Variants in KRT23 observed in about 807,000 individuals in gnomAD.
KRT23 encodes keratin, type I cytoskeletal 23.
KRT23 carries 38 observed loss-of-function variants against 47.6 expected under a neutral mutation model. The ratio of observed to expected loss-of-function variants is 0.80; its 90% CI spans 0.62 to 1.05. The LOEUF is 1.05. Ranked by LOEUF, KRT23 falls within the 50% of genes least tolerant of loss-of-function variation. The probability of loss-of-function intolerance (pLI) is 0.00; values close to 1 mark genes in which losing one functional copy is unlikely to be tolerated. For synonymous variants in KRT23, 191 were observed against 199.0 expected, an observed-to-expected ratio of 0.96 and a Z score of 0.34; for missense variants, 503 against 529.5, an observed-to-expected ratio of 0.95 and a Z score of 0.49.
chr17:40,936,086 C>T, intron 2 of KRT23, 122 bp downstream of exon 2: 1 of 1,036,384 alleles, frequency 9.6e-7, no homozygotes, highest in Non-Finnish European at 1.4e-6. Context: ...AACCTTTGTG[C>T]ACAATTACTT....
rs1220720917 is a variant in KRT23 at position 40,936,127 on chromosome 17, T to A, written c.396+81A>T. ...GCTGATGCCATTTTCCTGGAAATTG[T>A]CTTCTGGACTCATTTTTCCTCCCGA... On this transcript the variant is annotated intron_variant, in intron 2 of 8. Coordinates refer to ENST00000209718, the MANE Select transcript of KRT23 (RefSeq NM_015515.5). 4.1e-6 allele frequency: 6 copies of A among 1,471,078 alleles called. No individual in the cohort carries two copies. The Admixed American group carries it at 1.1e-4, about 28-fold the overall frequency. The allele number at this position is 1,471,078 out of a possible 1,614,324, so 91.1% of individuals were successfully genotyped here. A position where few individuals can be genotyped will look rare whatever the true frequency, so the allele number is the denominator to read the frequency against.
At position 40,936,267 on chromosome 17, in the gene KRT23, G is replaced by T; in HGVS notation, c.337C>A (p.Pro113Thr). 1.2e-6 allele frequency: 2 copies of T among 1,614,192 alleles called. No individual in the cohort carries two copies. Among genetic ancestry groups the T allele is most frequent in the Non-Finnish European group, 1.7e-6 (2 of 1,180,042 alleles). Residue 113 changes from proline (P) to threonine (T), a missense_variant, in exon 2 of 9, where the codon CCT becomes ACT. Transcript: ENST00000209718. ...RILKWHQQRD[P>T]GSKKDYSQYE... ...TGGGAATAATCTTTCTTACTGCCAG[G>T]ATCTCTCTGCTGGTGCCATTTCAGG...
At chr17:40,929,647 T>C in intron 4 of KRT23, 1 of 311,084 alleles carries the variant, frequency 3.2e-6, no homozygotes, top group Non-Finnish European at 5.9e-6. Context: ...TCTCACGCAT[T>C]GATTCTTATA....
intron 2 of KRT23, among the ~76,000 whole-genome samples, 175 bp from the exon 3 acceptor site, chr17:40,931,630 C>T (rs1469141625): frequency 6.6e-6 from 1 of 152,204 alleles, no homozygotes; most frequent in Non-Finnish European, 1.5e-5. Context: ...TGAGCACATA[C>T]TAGGTGCAAA....
At position 40,936,656 on chromosome 17, in the gene KRT23, G is replaced by A. The variant is rs796110147; in HGVS notation, c.-53C>T. 2.0e-5 allele frequency: 29 copies of A among 1,461,430 alleles called. No individual in the cohort carries two copies. In the African/African-American group the frequency reaches 3.5e-4, roughly 18 times the overall value. The allele number at this position is 1,461,430 out of a possible 1,614,324, so 90.5% of individuals were successfully genotyped here. On this transcript the variant is annotated 5_prime_UTR_variant, in exon 2 of 9. Transcript: ENST00000209718. ...GAGCTCTGCTCCACTCCCTGGCACC[G>A]CAGAACTGAGCCGCCCCAGACTGCC...
chr17:40,936,132 T>C lies in KRT23; in HGVS notation c.396+76A>G, dbSNP rs1910045992. The C allele has an allele frequency of 2.6e-6, 4 of 1,516,102 alleles. No individual in the cohort carries two copies. In the Admixed American group the frequency reaches 5.3e-5, roughly 20 times the overall value. 93.9% of individuals were successfully genotyped at this position (1,516,102 alleles called of 1,614,324 possible). A position where few individuals can be genotyped will look rare whatever the true frequency, so the allele number is the denominator to read the frequency against. Reference sequence around the variant, plus strand: ...TGCCATTTTCCTGGAAATTGTCTTCTGGACTCATTTTTCCTCCCGAGGGTC... The same window carrying C: ...TGCCATTTTCCTGGAAATTGTCTTCCGGACTCATTTTTCCTCCCGAGGGTC... On this transcript the variant is annotated intron_variant, in intron 2 of 8. Coordinates refer to ENST00000209718, the MANE Select transcript of KRT23 (RefSeq NM_015515.5).
At chr17:40,927,126 C>G (rs1475155510) in intron 6 of KRT23, among the ~76,000 whole-genome samples, 1 of 152,204 alleles carries the variant, frequency 6.6e-6, no homozygotes, top group Non-Finnish European at 1.5e-5. Flanking sequence ...AAGATAGCAG[C>G]TCTTCACCCT....
At chr17:40,930,622 G>A (rs1909593538) in intron 3 of KRT23, among the ~76,000 whole-genome samples, 1 of 151,914 alleles carries the variant, frequency 6.6e-6, no homozygotes, top group African/African-American at 2.4e-5. Context: ...AAATTAGCTG[G>A]GCATGGTGGT....
chr17:40,927,287 G>T (rs1909286212), intron 6 of KRT23, among the ~76,000 whole-genome samples: 3 of 152,220 alleles, frequency 2.0e-5, no homozygotes, highest in Admixed American at 2.0e-4. Flanking sequence ...ATTGGTGTCA[G>T]ATAGTAGAAT....
At chr17:40,927,748 C>A (rs1328228097) in intron 6 of KRT23, among the ~76,000 whole-genome samples, 4 of 152,132 alleles carry the variant, frequency 2.6e-5, no homozygotes, top group Admixed American at 1.3e-4. Context: ...GTTAGCCAGG[C>A]CTGGATCTGC....
intron 2 of KRT23, among the ~76,000 whole-genome samples, chr17:40,934,617 C>T (rs947675112): frequency 5.3e-5 from 8 of 152,144 alleles, no homozygotes; most frequent in Non-Finnish European, 8.8e-5. Flanking sequence ...TATCTTTATT[C>T]ATACTAAGTG....
chr17:40,932,124 G>A (rs80272472), intron 2 of KRT23, among the ~76,000 whole-genome samples: 8,474 of 152,048 alleles, frequency 0.056, 383 homozygotes, highest in East Asian at 0.22. Context: ...GTGTGTTTAT[G>A]TCATTGCAAC....
At chr17:40,931,643 A>G (rs769875455) in intron 2 of KRT23, among the ~76,000 whole-genome samples, 188 bp from the exon 3 acceptor site, 1 of 152,264 alleles carries the variant, frequency 6.6e-6, no homozygotes, top group Non-Finnish European at 1.5e-5. Context: ...GGTGCAAAGC[A>G]GAATGATTTT....
rs1044135338 is a variant in KRT23, at chr17:40,931,602, G to A, written c.397-147C>T. On this transcript the variant is annotated intron_variant, in intron 2 of 8. Coordinates refer to ENST00000209718, the MANE Select transcript of KRT23 (RefSeq NM_015515.5). ...TCTGGCAGTGGAACAATGAATAACC[G>A]AATCAGTAAATGCTTAGTGAGCACA... 22 of 631,580 alleles carry A rather than the reference G, an allele frequency of 3.5e-5. No homozygotes were observed. In the African/African-American group the frequency reaches 3.9e-4, roughly 11 times the overall value. 39.1% of individuals were successfully genotyped at this position (631,580 alleles called of 1,614,324 possible).
chr17:40,932,203 A>G (rs1376950175), intron 2 of KRT23, among the ~76,000 whole-genome samples: 1 of 152,158 alleles, frequency 6.6e-6, no homozygotes, highest in Non-Finnish European at 1.5e-5. Context: ...CTTACCATCT[A>G]AGGAAAATGC....
chr17:40,925,378 C>T lies in KRT23; in HGVS notation c.1118G>A (p.Arg373Gln), dbSNP rs370019396. The T allele has an allele frequency of 5.7e-5, 92 of 1,613,508 alleles. No homozygotes were observed. Among genetic ancestry groups the T allele is most frequent in the Middle Eastern group, 1.8e-4 (1 of 5,668 alleles). ...HLEKEITTYR[R>Q]LLEGESEGTR... is the part of the protein sequence containing the mutation. ...CCCTTCACTCTCTCCCTCCAGGAGC[C>T]GTCGGTACGTGGTGATTTCCTTCTC... Residue 373 changes from arginine to glutamine, a missense_variant, in exon 7 of 9, where the codon CGG becomes CAG. By Grantham distance (43) the Arg-to-Gln change is conservative. Coordinates refer to ENST00000209718, the MANE Select transcript of KRT23 (RefSeq NM_015515.5).
chr17:40,928,582 C>G lies in KRT23; in HGVS notation c.662G>C (p.Ser221Thr). Reference sequence around the variant, plus strand: ...CACCTTCACATTGACATTGAAGTCACTTGGCACATGATGCTTCTCCATTTC... The same window carrying G: ...CACCTTCACATTGACATTGAAGTCAGTTGGCACATGATGCTTCTCCATTTC... Reference protein sequence around the residue: ...EQEMEKHHVPSDFNVNVKVDT... With the variant: ...EQEMEKHHVPTDFNVNVKVDT... Residue 221 changes from serine (S) to threonine (T), a missense_variant, in exon 5 of 9, where the codon AGT (serine) becomes ACT (threonine). By Grantham distance (58) the Ser-to-Thr change is moderately conservative. Transcript: ENST00000209718. The G allele has an allele frequency of 6.2e-7, 1 of 1,613,666 alleles. No individual in the cohort carries two copies.
At chr17:40,936,151 G>A (rs1351724196) in intron 2 of KRT23, 57 bp downstream of exon 2, 11 of 1,595,288 alleles carry the variant, frequency 6.9e-6, no homozygotes, top group South Asian at 2.2e-5. Context: ...TTTTCCTCCC[G>A]AGGGTCCCCT....
At chr17:40,924,758 C>T (rs1014471022) in intron 7 of KRT23, among the ~76,000 whole-genome samples, 2 of 152,148 alleles carry the variant, frequency 1.3e-5, no homozygotes, top group Non-Finnish European at 2.9e-5. Flanking sequence ...CAGCTGCAAG[C>T]TTGGTTTTCT....
Sources: allele counts gnomAD v4.1 joint callset (sites outside exome capture counted in the v4.1 genomes callset), GRCh38; gene constraint gnomAD v4.1.1; transcripts MANE v1.5; gene names NCBI Gene and HGNC (gene_info 2026-07-23, HGNC 2026-07-21).